Variants in CHST8 observed in about 807,000 individuals in gnomAD.
CHST8 encodes GALNAC-4-ST1.
A neutral mutation model predicts 15.0 loss-of-function variants in CHST8; 10 were observed. That is an observed-to-expected ratio of 0.67 (90% CI 0.41 to 1.13). The LOEUF is 1.13. Among genes scored for constraint, CHST8 ranks in the 50% most tolerant of loss-of-function variants. The pLI, the probability that CHST8 is intolerant of heterozygous loss-of-function variation, is 0.00. For missense variants in CHST8, 634 were observed against 608.2 expected (o/e 1.04, Z -0.45); for synonymous variants, 259 against 256.6 (o/e 1.01, Z -0.09).
chr19:33,625,265 TAG>T (rs1483915151), intron 1 of CHST8, among the ~76,000 whole-genome samples: 4 of 149,348 alleles, frequency 2.7e-5, no homozygotes, highest in Non-Finnish European at 4.5e-5. Context: ...TTGTATTTAG[TAG>T]AGACAGGGTT....
At chr19:33,769,339 G>A (rs1974918159) in intron 3 of CHST8, among the ~76,000 whole-genome samples, 1 of 152,202 alleles carries the variant, frequency 6.6e-6, no homozygotes, top group South Asian at 2.1e-4. Flanking sequence ...GAATATATAA[G>A]CACCGTCACA....
intron 3 of CHST8, among the ~76,000 whole-genome samples, chr19:33,771,059 G>T (rs1211381110): frequency 6.6e-6 from 1 of 152,182 alleles, no homozygotes; most frequent in African/African-American, 2.4e-5. Context: ...ACATGGTGGG[G>T]TGCAGGAGGA....
chr19:33,644,296 A>T (rs1600232724), intron 1 of CHST8, among the ~76,000 whole-genome samples: 2 of 152,274 alleles, frequency 1.3e-5, no homozygotes, highest in Admixed American at 6.5e-5. Context: ...ACAAATATTT[A>T]TGGAGAACAA....
intron 1 of CHST8, among the ~76,000 whole-genome samples, chr19:33,663,713 T>G: frequency 6.6e-6 from 1 of 151,936 alleles, no homozygotes; most frequent in East Asian, 1.9e-4. Context: ...ACTATAAAAA[T>G]ACAAAAATTA....
At chr19:33,684,000 C>A (rs921275908) in intron 2 of CHST8, among the ~76,000 whole-genome samples, 7 of 152,196 alleles carry the variant, frequency 4.6e-5, no homozygotes, top group African/African-American at 1.4e-4. Context: ...ATGTAAGAAG[C>A]CCTGGGCAGA....
chr19:33,657,701 T>C (rs1167128538), intron 1 of CHST8, among the ~76,000 whole-genome samples: 1 of 152,102 alleles, frequency 6.6e-6, no homozygotes, highest in East Asian at 1.9e-4. Flanking sequence ...CTCAAATAGC[T>C]GGGAATACAG....
intron 3 of CHST8, among the ~76,000 whole-genome samples, chr19:33,720,044 C>T (rs932571375): frequency 1.3e-5 from 2 of 152,082 alleles, no homozygotes; most frequent in African/African-American, 2.4e-5. Flanking sequence ...ACTGTGGTGT[C>T]GGCAGCCCCG....
At chr19:33,757,438 G>A (rs1599629366) in intron 3 of CHST8, among the ~76,000 whole-genome samples, 1 of 20,260 alleles carries the variant, frequency 4.9e-5, no homozygotes, top group Non-Finnish European at 1.0e-4. Context: ...AAGAAAGAAA[G>A]AAAGAAAGAA....
At chr19:33,687,106 A>G (rs1230172161) in intron 2 of CHST8, among the ~76,000 whole-genome samples, 1 of 152,184 alleles carries the variant, frequency 6.6e-6, no homozygotes, top group Non-Finnish European at 1.5e-5. Context: ...CTGCCTTGTC[A>G]GCTGCTCACT....
chr19:33,701,909 T>C (rs1973344390), intron 3 of CHST8, among the ~76,000 whole-genome samples: 1 of 152,224 alleles, frequency 6.6e-6, no homozygotes, highest in Non-Finnish European at 1.5e-5. Flanking sequence ...TCTGCCTGAT[T>C]CCAAAGCCTG....
chr19:33,660,781 G>A (rs1056742458), intron 1 of CHST8, among the ~76,000 whole-genome samples: 5 of 152,180 alleles, frequency 3.3e-5, no homozygotes, highest in East Asian at 1.9e-4. Flanking sequence ...ATATAAATAC[G>A]GTTGTCAACA....
At chr19:33,737,689 G>A (rs541621396) in intron 3 of CHST8, among the ~76,000 whole-genome samples, 1 of 152,210 alleles carries the variant, frequency 6.6e-6, no homozygotes, top group Non-Finnish European at 1.5e-5. Context: ...TCTAAAGCAT[G>A]GCTGTCCTCC....
rs1400451852 is a variant in CHST8 at position 33,757,414 on chromosome 19, GAA to G, written c.131-13997_131-13996del. 6.5e-3 allele frequency among the ~76,000 whole-genome samples: 45 copies of G among 6,936 alleles called. 2 individuals are homozygous for G. The highest frequency in any genetic ancestry group is 6.7e-3 in the Non-Finnish European group (20 of 3,004). 4.6% of individuals were successfully genotyped at this position (6,936 alleles called of 152,430 possible). On this transcript the variant is annotated intron_variant, in intron 3 of 4. Coordinates refer to ENST00000650847, the MANE Select transcript of CHST8 (RefSeq NM_001127895.2). ...AGAAAGAAAGAAAGAAAGAAAGAAA[GAA>G]AGAAAGAAAGAAAGAAAGAAAGAAA...
At chr19:33,665,409 C>T (rs1972643234) in intron 1 of CHST8, among the ~76,000 whole-genome samples, 2 of 152,134 alleles carry the variant, frequency 1.3e-5, no homozygotes, top group Non-Finnish European at 1.5e-5. Context: ...AATGTGAAGG[C>T]ACCCACAGAT....
At chr19:33,755,394 A>T (rs1974526796) in intron 3 of CHST8, among the ~76,000 whole-genome samples, 1 of 152,198 alleles carries the variant, frequency 6.6e-6, no homozygotes, top group African/African-American at 2.4e-5. Context: ...TGGAGCTGTA[A>T]TCCTCCGGAC....
chr19:33,657,717 C>T (rs1972530331), intron 1 of CHST8, among the ~76,000 whole-genome samples: 1 of 152,102 alleles, frequency 6.6e-6, no homozygotes, highest in South Asian at 2.1e-4. Flanking sequence ...TACAGGCACA[C>T]ACCACCATAC....
At chr19:33,626,843 C>T (rs1035810271) in intron 1 of CHST8, among the ~76,000 whole-genome samples, 14 of 142,964 alleles carry the variant, frequency 9.8e-5, no homozygotes, top group Non-Finnish European at 1.8e-4. Context: ...GGCTGGAGTA[C>T]AGTGGTGCTA....
chr19:33,665,285 A>G (rs1160739207), intron 1 of CHST8, among the ~76,000 whole-genome samples: 1 of 152,188 alleles, frequency 6.6e-6, no homozygotes, highest in Non-Finnish European at 1.5e-5. Flanking sequence ...TAAGTGAATT[A>G]TATTTGTAGT....
intron 3 of CHST8, among the ~76,000 whole-genome samples, chr19:33,717,901 G>T (rs766546138): frequency 6.6e-6 from 1 of 152,162 alleles, no homozygotes; most frequent in Non-Finnish European, 1.5e-5. Context: ...GACTCTATCT[G>T]CAGTCACATT....
Sources: allele counts gnomAD v4.1 joint callset (sites outside exome capture counted in the v4.1 genomes callset), GRCh38; gene constraint gnomAD v4.1.1; transcripts MANE v1.5; gene names NCBI Gene and HGNC (gene_info 2026-07-23, HGNC 2026-07-21).